Variants in PAPPA observed in about 807,000 individuals in gnomAD.
PAPPA encodes the protein pappalysin 1.
Under a neutral mutation model 164.0 loss-of-function variants are expected in PAPPA, and 60 were observed. The observed-to-expected ratio is 0.37, with a 90% CI of 0.30 to 0.45. The LOEUF (loss-of-function observed/expected upper bound fraction) is 0.45, where lower values mean the gene tolerates loss of function less well. Ranked by LOEUF, PAPPA falls within the 20% of genes least tolerant of loss-of-function variation. The pLI, the probability that PAPPA is intolerant of heterozygous loss-of-function variation, is 1.00. For missense variants in PAPPA, 1,782 were observed against 2,087.3 expected (o/e 0.85, Z 2.85); for synonymous variants, 875 against 814.1 (o/e 1.07, Z -1.27).
intron 9 of PAPPA, chr9:116,285,825 A>T (rs987647102): frequency 2.6e-5 from 4 of 152,218 alleles, no homozygotes; most frequent in Non-Finnish European, 5.9e-5. Context: ...TAAAAGAAGG[A>T]TGTATTTCTT....
chr9:116,174,265 C>T (rs1375630312), intron 1 of PAPPA, among the ~76,000 whole-genome samples: 1 of 151,694 alleles, frequency 6.6e-6, no homozygotes, highest in Non-Finnish European at 1.5e-5. Flanking sequence ...TGGAGATCTG[C>T]CTGTCTGGCC....
intron 21 of PAPPA, among the ~76,000 whole-genome samples, chr9:116,387,179 G>C (rs1037002089): frequency 6.6e-6 from 1 of 152,088 alleles, no homozygotes; most frequent in Non-Finnish European, 1.5e-5. Flanking sequence ...CTGGATCTCT[G>C]TGCATGTCAT....
intron 17 of PAPPA, among the ~76,000 whole-genome samples, chr9:116,357,896 C>T (rs1044895807): frequency 3.3e-5 from 5 of 152,070 alleles, no homozygotes; most frequent in East Asian, 1.9e-4. Context: ...AGAAAGGGAG[C>T]GGTGGAATCT....
intron 10 of PAPPA, chr9:116,318,796 C>T (rs975848890): frequency 3.3e-5 from 5 of 152,192 alleles, no homozygotes; most frequent in Non-Finnish European, 7.3e-5. Flanking sequence ...TCATCCCCCA[C>T]CCGCACCCCT....
chr9:116,248,904 A>C (rs1323483179), intron 7 of PAPPA, among the ~76,000 whole-genome samples: 2 of 152,182 alleles, frequency 1.3e-5, no homozygotes, highest in Non-Finnish European at 2.9e-5. Flanking sequence ...TTTAACTTCT[A>C]AGGTGGATTA....
intron 7 of PAPPA, among the ~76,000 whole-genome samples, chr9:116,247,218 T>C (rs1250003428): frequency 6.6e-6 from 1 of 152,158 alleles, no homozygotes; most frequent in Non-Finnish European, 1.5e-5. Context: ...TCATGACATA[T>C]TAATATCAAT....
At chr9:116,233,823 T>G (rs1265601719) in intron 6 of PAPPA, among the ~76,000 whole-genome samples, 1 of 152,154 alleles carries the variant, frequency 6.6e-6, no homozygotes, top group African/African-American at 2.4e-5. Flanking sequence ...GATCTTTTTT[T>G]TTTCTTATTT....
intron 17 of PAPPA, among the ~76,000 whole-genome samples, chr9:116,359,779 C>T (rs1425482220): frequency 2.0e-5 from 3 of 152,230 alleles, no homozygotes; most frequent in Non-Finnish European, 4.4e-5. Context: ...ATTCATTTGT[C>T]TAGCAGGAAG....
At chr9:116,380,117 T>A (rs565332291) in intron 20 of PAPPA, among the ~76,000 whole-genome samples, 2 of 152,322 alleles carry the variant, frequency 1.3e-5, no homozygotes, top group South Asian at 4.1e-4. Context: ...TTATCAGAGT[T>A]GAAATTGGTT....
At chr9:116,190,427 A>G (rs1844027342) in intron 2 of PAPPA, among the ~76,000 whole-genome samples, 1 of 152,178 alleles carries the variant, frequency 6.6e-6, no homozygotes, top group Non-Finnish European at 1.5e-5. Flanking sequence ...TGCTTTGAAA[A>G]TTTCAAGATT....
At chr9:116,209,625 A>G (rs1357903151) in intron 3 of PAPPA, among the ~76,000 whole-genome samples, 3 of 152,270 alleles carry the variant, frequency 2.0e-5, no homozygotes, top group African/African-American at 7.2e-5. Flanking sequence ...AAGCAATGAA[A>G]CAGGACTGGG....
At chr9:116,332,560 C>G in intron 12 of PAPPA, 92 bp downstream of exon 12, 1 of 1,145,052 alleles carries the variant, frequency 8.7e-7, no homozygotes, top group Non-Finnish European at 1.2e-6. Context: ...AGAATGAGCT[C>G]TTCCTTCCTT....
intron 18 of PAPPA, 99 bp from the exon 19 acceptor site, chr9:116,367,546 C>G: frequency 1.2e-6 from 1 of 828,294 alleles, no homozygotes; most frequent in East Asian, 2.7e-5. Flanking sequence ...CTGAGTCCAC[C>G]AGGGACCAGG....
intron 1 of PAPPA, among the ~76,000 whole-genome samples, chr9:116,172,243 T>C (rs1172132014): frequency 6.6e-6 from 1 of 152,166 alleles, no homozygotes; most frequent in African/African-American, 2.4e-5. Flanking sequence ...TCAGAGTGCA[T>C]ATTCTAACCC....
chr9:116,193,296 T>C (rs1844066040), intron 2 of PAPPA, among the ~76,000 whole-genome samples: 1 of 152,148 alleles, frequency 6.6e-6, no homozygotes, highest in Non-Finnish European at 1.5e-5. Flanking sequence ...TAGCCCCCGT[T>C]AGCCTCTTCC....
In PAPPA at chr9:116,154,668, C is replaced by T. The variant is rs1843579692; in HGVS notation, c.415+81C>T. On this transcript the variant is annotated intron_variant, in intron 1 of 21. Coordinates refer to ENST00000328252, the MANE Select transcript of PAPPA (RefSeq NM_002581.5). The surrounding 1 kb of genome is among the most constrained non-coding windows in gnomAD (Gnocchi z 5.2). ...CGGGTGTCTGGGCGCGGGTGGCGGG[C>T]GGGTCGGGGGCTTGCGGGCGTGTCT... 17 of 1,245,352 alleles carry T rather than the reference C, an allele frequency of 1.4e-5. No individual in the cohort carries two copies. The highest frequency in any genetic ancestry group is 4.3e-5 in the Admixed American group (1 of 23,478). 77.1% of individuals were successfully genotyped at this position (1,245,352 alleles called of 1,614,324 possible).
chr9:116,357,394 C>T (rs1846367975), intron 17 of PAPPA, among the ~76,000 whole-genome samples: 1 of 152,186 alleles, frequency 6.6e-6, no homozygotes, highest in Non-Finnish European at 1.5e-5. Context: ...CTTTCTTTGT[C>T]TTTGTTTTTG....
At chr9:116,161,176 G>A (rs1281358905) in intron 1 of PAPPA, among the ~76,000 whole-genome samples, 1 of 152,194 alleles carries the variant, frequency 6.6e-6, no homozygotes, top group East Asian at 1.9e-4. Flanking sequence ...CATTCACACT[G>A]TAGATGATAA....
chr9:116,229,780 T>C (rs944993742), intron 6 of PAPPA, among the ~76,000 whole-genome samples: 3 of 152,206 alleles, frequency 2.0e-5, no homozygotes, highest in African/African-American at 7.2e-5. Flanking sequence ...AAGGTGACTG[T>C]TGCCAAAATC....
Sources: allele counts gnomAD v4.1 joint callset (sites outside exome capture counted in the v4.1 genomes callset), GRCh38; gene constraint gnomAD v4.1.1; non-coding constraint Gnocchi (gnomAD v3.1); transcripts MANE v1.5; gene names NCBI Gene and HGNC (gene_info 2026-07-23, HGNC 2026-07-21).